The following PITPNM2 variants were observed in gnomAD, a reference collection of about 807,000 sequenced individuals.
The protein encoded by PITPNM2 is membrane-associated phosphatidylinositol transfer protein 2.
PITPNM2 carries 35 observed loss-of-function variants against 132.2 expected under a neutral mutation model. The ratio of observed to expected loss-of-function variants is 0.26; its 90% confidence interval spans 0.20 to 0.35. The LOEUF (loss-of-function observed/expected upper bound fraction) is 0.35. Among genes scored for constraint, PITPNM2 ranks in the 10% least tolerant of loss-of-function variants. The pLI, the probability that PITPNM2 is intolerant of heterozygous loss-of-function variation, is 1.00. For synonymous variants in PITPNM2, 738 were observed against 799.2 expected (o/e 0.92, Z 1.29); for missense variants, 1,332 against 1,912.0 (o/e 0.70, Z 5.66).
intron 2 of PITPNM2, among the ~76,000 whole-genome samples, chr12:123,059,521 G>A (rs551868936): frequency 6.6e-6 from 1 of 152,312 alleles, no homozygotes; most frequent in East Asian, 1.9e-4. Flanking sequence ...CCCCCAGAAG[G>A]GTGGAGGCCC....
intron 1 of PITPNM2, among the ~76,000 whole-genome samples, chr12:123,126,733 G>T (rs2043148047): frequency 6.6e-6 from 1 of 152,024 alleles, no homozygotes; most frequent in African/African-American, 2.4e-5. Flanking sequence ...CTTCATCATG[G>T]TAGCCCCAGT....
At chr12:123,137,551 G>A (rs1178655741) in intron 1 of PITPNM2, among the ~76,000 whole-genome samples, 1 of 152,106 alleles carries the variant, frequency 6.6e-6, no homozygotes, top group Admixed American at 6.6e-5. Context: ...CAGCCTTGAG[G>A]GACCACTGCT....
intron 1 of PITPNM2, among the ~76,000 whole-genome samples, chr12:123,145,175 C>T (rs1347005123): frequency 6.6e-6 from 1 of 151,782 alleles, no homozygotes; most frequent in Middle Eastern, 3.4e-3. Context: ...GACCCTGTCA[C>T]AAAAAATAAA....
rs1233945092 is a variant in PITPNM2, at chr12:123,004,547, C to T, written c.953-58G>A. The stretch of plus-strand genomic sequence containing the variant: ...TGGAGAGGAAGGGCCCAGAGGCTGC[C>T]CTGAGCCGGCAGGAGGCAGGGAGGG... On this transcript the variant is annotated intron_variant, in intron 7 of 25. Transcript: ENST00000320201. The surrounding 1 kb of genome is among the most constrained non-coding windows in gnomAD (Gnocchi z 4.9). The T allele has an allele frequency of 1.3e-6, 2 of 1,570,414 alleles. No individual in the cohort carries two copies. Among genetic ancestry groups the T allele is most frequent in the African/African-American group, 2.7e-5 (2 of 74,092 alleles).
At position 123,128,572 on chromosome 12, in the gene PITPNM2, T is replaced by C. The variant is rs576820744; in HGVS notation, c.-199-18084A>G. On this transcript the variant is annotated intron_variant, in intron 1 of 25. Coordinates refer to ENST00000320201, the MANE Select transcript of PITPNM2 (RefSeq NM_020845.3). ...ATCGAGACCATCTTGGCTAACATGT[T>C]GAAACCCCGCCTCTACTAAAAATAC... Among the ~76,000 whole-genome samples, 9 of 151,150 alleles carry C rather than the reference T, an allele frequency of 6.0e-5. No individual in the cohort carries two copies. In the South Asian group the frequency reaches 1.7e-3, roughly 28 times the overall value.
chr12:123,073,518 T>G (rs1373764920), intron 2 of PITPNM2, among the ~76,000 whole-genome samples: 1 of 152,208 alleles, frequency 6.6e-6, no homozygotes, highest in African/African-American at 2.4e-5. Flanking sequence ...CAGTGTTATC[T>G]CTATGTTACA....
At chr12:123,088,585 A>T (rs1359875840) in intron 2 of PITPNM2, 1 of 152,320 alleles carries the variant, frequency 6.6e-6, no homozygotes, top group Non-Finnish European at 1.5e-5. Flanking sequence ...TGGTGAAAGA[A>T]GAAAAAGCTT....
At chr12:123,007,785 T>A (rs1459747998) in intron 6 of PITPNM2, among the ~76,000 whole-genome samples, 1 of 152,088 alleles carries the variant, frequency 6.6e-6, no homozygotes, top group Non-Finnish European at 1.5e-5. Context: ...TGCCTCCTCC[T>A]GGGGTGACCG....
At chr12:122,997,018 G>A in intron 11 of PITPNM2, 108 bp from the exon 12 acceptor site, 3 of 1,165,088 alleles carry the variant, frequency 2.6e-6, no homozygotes, top group Non-Finnish European at 3.5e-6. Context: ...CGCTAGTGAG[G>A]ACCCTTCCCG....
In PITPNM2 at chr12:123,064,802, A is replaced by C. The variant is rs1285042626; in HGVS notation, c.-95-30117T>G. Among the ~76,000 whole-genome samples, 1 of 152,222 alleles carries C rather than the reference A, an allele frequency of 6.6e-6. No homozygotes were observed. The highest frequency in any genetic ancestry group is 1.9e-4 in the East Asian group (1 of 5,194). On this transcript the variant is annotated intron_variant, in intron 2 of 25. Transcript: ENST00000320201. This position sits in a 1 kb window ranked among gnomAD's most constrained non-coding sequence, Gnocchi z 4.0. ...CACAATGAATCAGATGCAGCAGGACACAGGGAGTGACTAGCTCTGGGGCCA... is the reference window on the plus strand; with the variant it reads ...CACAATGAATCAGATGCAGCAGGACCCAGGGAGTGACTAGCTCTGGGGCCA...
At chr12:123,012,177 T>G (rs896610106) in intron 5 of PITPNM2, among the ~76,000 whole-genome samples, 2 of 152,258 alleles carry the variant, frequency 1.3e-5, no homozygotes, top group South Asian at 4.1e-4. Flanking sequence ...TGGCTTCTCT[T>G]GAAAATGAAG....
chr12:122,993,195 T>G lies in PITPNM2; in HGVS notation c.2234-526A>C, dbSNP rs1264808120. ...AGGTGGTTTGCAGTACAGAAGAGCA[T>G]ATGATGAAGGGCACATGGTGGAAAC... is the stretch of plus-strand genomic sequence containing the variant. On this transcript the variant is annotated intron_variant, in intron 15 of 25. Transcript: ENST00000320201. The surrounding 1 kb of genome is among the most constrained non-coding windows in gnomAD (Gnocchi z 5.2). 6.6e-6 allele frequency among the ~76,000 whole-genome samples: 1 copy of G among 152,068 alleles called. No homozygotes were observed. Among genetic ancestry groups the G allele is most frequent in the Admixed American group, 6.5e-5 (1 of 15,270 alleles).
At position 123,058,233 on chromosome 12, in the gene PITPNM2, A is replaced by G. The variant is rs1009762112; in HGVS notation, c.-95-23548T>C. Among the ~76,000 whole-genome samples, 1 of 152,156 alleles carries G rather than the reference A, an allele frequency of 6.6e-6. No individual in the cohort carries two copies. The highest frequency in any genetic ancestry group is 1.5e-5 in the Non-Finnish European group (1 of 68,012). The stretch of plus-strand genomic sequence containing the variant: ...GGTGTATACCAGGTCTCCGTCTCCA[A>G]TGCCACCATGGGGTCCCCTCCCCAA... On this transcript the variant is annotated intron_variant, in intron 2 of 25. Coordinates refer to ENST00000320201, the MANE Select transcript of PITPNM2 (RefSeq NM_020845.3). This position sits in a 1 kb window ranked among gnomAD's most constrained non-coding sequence, Gnocchi z 4.0.
Position 123,022,601 on chromosome 12 carries a change from ATGT to A in PITPNM2, c.79-8562_79-8560del, listed in dbSNP as rs1258737992. 6.6e-6 allele frequency among the ~76,000 whole-genome samples: 1 copy of A among 152,176 alleles called. No individual in the cohort carries two copies. The highest frequency in any genetic ancestry group is 6.5e-5 in the Admixed American group (1 of 15,288). On this transcript the variant is annotated intron_variant, in intron 3 of 25. Transcript: ENST00000320201. This position sits in a 1 kb window ranked among gnomAD's most constrained non-coding sequence, Gnocchi z 4.9. ...GTTCTCTGCACTTCAGAGCCCTGAG[ATGT>A]TGTGGGATCATGCTCCCCACTCCAC...
chr12:123,135,860 T>C (rs2043370449), intron 1 of PITPNM2, among the ~76,000 whole-genome samples: 1 of 152,218 alleles, frequency 6.6e-6, no homozygotes, highest in Non-Finnish European at 1.5e-5. Flanking sequence ...CCTACCCATT[T>C]TGGGATTTCC....
chr12:123,143,951 G>C (rs1055689814), intron 1 of PITPNM2, among the ~76,000 whole-genome samples: 1 of 152,218 alleles, frequency 6.6e-6, no homozygotes, highest in Non-Finnish European at 1.5e-5. Flanking sequence ...CGTGGGGGCT[G>C]ACATGATGCC....
chr12:122,996,966 C>T, intron 11 of PITPNM2, 56 bp from the exon 12 acceptor site: 1 of 1,435,154 alleles, frequency 7.0e-7, no homozygotes, highest in Non-Finnish European at 9.3e-7. Flanking sequence ...GCCCAAAGGG[C>T]CCCTCTCCCC....
intron 2 of PITPNM2, among the ~76,000 whole-genome samples, chr12:123,086,749 A>G (rs1448583278): frequency 6.6e-6 from 1 of 152,200 alleles, no homozygotes; most frequent in Non-Finnish European, 1.5e-5. Flanking sequence ...CCACTGTTCC[A>G]TAGGGTATCT....
chr12:123,031,348 C>T lies in PITPNM2; in HGVS notation c.78+3165G>A, dbSNP rs1364050867. Among the ~76,000 whole-genome samples, 5 of 152,174 alleles carry T rather than the reference C, an allele frequency of 3.3e-5. No individual in the cohort carries two copies. The highest frequency in any genetic ancestry group is 9.7e-5 in the African/African-American group (4 of 41,450). Reference sequence around the variant, plus strand: ...TCTTGGAGCTCATTTTGTTGGAGCTCGGACTGGGGGCTGTGGAGGCCAGAA... The same window carrying T: ...TCTTGGAGCTCATTTTGTTGGAGCTTGGACTGGGGGCTGTGGAGGCCAGAA... On this transcript the variant is annotated intron_variant, in intron 3 of 25. Transcript: ENST00000320201. The surrounding 1 kb of genome is among the most constrained non-coding windows in gnomAD (Gnocchi z 4.5).
Sources: gnomAD v4.1 joint callset for allele counts (sites outside exome capture counted in the v4.1 genomes callset) on GRCh38, gnomAD v4.1.1 for gene constraint, Gnocchi (gnomAD v3.1) non-coding constraint, MANE v1.5 for transcripts, NCBI Gene and HGNC (gene_info 2026-07-23, HGNC 2026-07-21) for gene names.